Variants in CCDC30 observed in about 807,000 individuals in gnomAD.
The protein encoded by CCDC30 is coiled-coil domain-containing protein 30.
CCDC30 carries 70 observed loss-of-function variants against 100.2 expected under a neutral mutation model. The observed-to-expected ratio is 0.70, with a 90% CI of 0.58 to 0.85. The LOEUF (loss-of-function observed/expected upper bound fraction) is 0.85, where lower values mean the gene tolerates loss of function less well. Among genes scored for constraint, CCDC30 ranks in the 40% least tolerant of loss-of-function variants. The pLI is 0.00. For synonymous variants in CCDC30, 233 were observed against 269.5 expected, an observed-to-expected ratio of 0.86 and a Z score of 1.33; for missense variants, 652 against 771.2, an observed-to-expected ratio of 0.85 and a Z score of 1.83.
intron 6 of CCDC30, among the ~76,000 whole-genome samples, chr1:42,526,821 G>C (rs1474861759): frequency 6.6e-6 from 1 of 152,046 alleles, no homozygotes; most frequent in African/African-American, 2.4e-5. Flanking sequence ...ACATAAGATA[G>C]TTTGTCTTAT....
intron 3 of CCDC30, among the ~76,000 whole-genome samples, chr1:42,484,016 C>T (rs1007373829): frequency 4.0e-5 from 6 of 151,046 alleles, no homozygotes; most frequent in Admixed American, 1.3e-4. Context: ...ATTTTTAATC[C>T]GTGACTGATT....
chr1:42,509,156 C>T (rs940928364), intron 6 of CCDC30, among the ~76,000 whole-genome samples: 2 of 152,164 alleles, frequency 1.3e-5, no homozygotes, highest in Non-Finnish European at 2.9e-5. Context: ...AGAGTTTTGA[C>T]CCAACCAACT....
intron 15 of CCDC30, 77 bp downstream of exon 19, chr1:42,646,394 C>T: frequency 7.6e-7 from 1 of 1,322,720 alleles, no homozygotes; most frequent in East Asian, 2.9e-5. Context: ...GAAAATCTCT[C>T]AACTTATGGT....
intron 12 of CCDC30, among the ~76,000 whole-genome samples, chr1:42,640,750 T>C (rs538496554): frequency 6.6e-6 from 1 of 151,930 alleles, no homozygotes; most frequent in Non-Finnish European, 1.5e-5. Context: ...AAAAATTAGC[T>C]GGGTGCGGTG....
chr1:42,526,137 A>G (rs1039311696), intron 6 of CCDC30, among the ~76,000 whole-genome samples: 1 of 152,116 alleles, frequency 6.6e-6, no homozygotes, highest in African/African-American at 2.4e-5. Context: ...GATTTCCCTC[A>G]TATCACCACA....
At chr1:42,556,431 A>T (rs778004195) in intron 6 of CCDC30, 26 bp downstream of exon 10, 12 of 1,556,360 alleles carry the variant, frequency 7.7e-6, no homozygotes, top group Non-Finnish European at 2.6e-6. Flanking sequence ...ACATGCCCTG[A>T]CTGGGTTCGT....
chr1:42,636,324 T>C (rs958014987), intron 11 of CCDC30, among the ~76,000 whole-genome samples: 1 of 152,044 alleles, frequency 6.6e-6, no homozygotes, highest in African/African-American at 2.4e-5. Flanking sequence ...GAGGATTGCT[T>C]GAGCTCAGGA....
At chr1:42,586,134 G>A (rs573698064) in intron 9 of CCDC30, among the ~76,000 whole-genome samples, 42 of 152,314 alleles carry the variant, frequency 2.8e-4, no homozygotes, top group South Asian at 1.7e-3. Context: ...TTTAAGTTGA[G>A]AATGAAGTAG....
intron 10 of CCDC30, among the ~76,000 whole-genome samples, chr1:42,604,096 C>A (rs747198262): frequency 6.6e-5 from 10 of 151,694 alleles, no homozygotes; most frequent in Non-Finnish European, 1.3e-4. Context: ...TGCCTGTAGT[C>A]CTAGCTACTT....
chr1:42,646,436 TCAAA>T, intron 15 of CCDC30, 119 bp downstream of exon 19: 2 of 1,224,064 alleles, frequency 1.6e-6, no homozygotes. Context: ...ACGGAGGTAG[TCAAA>T]CAGATTCCCC....
intron 6 of CCDC30, among the ~76,000 whole-genome samples, chr1:42,515,937 T>C (rs993417149): frequency 6.6e-6 from 1 of 152,208 alleles, no homozygotes; most frequent in Non-Finnish European, 1.5e-5. Flanking sequence ...TATACCACAT[T>C]TTGCTGATCT....
At chr1:42,568,156 C>T (rs1645646702) in intron 7 of CCDC30, among the ~76,000 whole-genome samples, 1 of 152,074 alleles carries the variant, frequency 6.6e-6, no homozygotes, top group East Asian at 1.9e-4. Context: ...GCTCTGTCAC[C>T]CATGCTGAAG....
intron 8 of CCDC30, among the ~76,000 whole-genome samples, chr1:42,578,296 A>G (rs1388909194): frequency 6.6e-6 from 1 of 152,214 alleles, no homozygotes; most frequent in Non-Finnish European, 1.5e-5. Context: ...AATTCTATGT[A>G]TAGTATGAAG....
Position 42,519,801 on chromosome 1 carries a change from C to T in CCDC30, c.456+20885C>T, listed in dbSNP as rs1644608888. 2.0e-5 allele frequency among the ~76,000 whole-genome samples: 3 copies of T among 152,152 alleles called. No homozygotes were observed. The South Asian group carries it at 6.2e-4, about 32-fold the overall frequency. ...AACTCCTGACCTTGTGATTCGCCCA[C>T]CTCAGCCTCCCAAAGTGCTGTGATT... On this transcript the variant is annotated intron_variant, in intron 6 of 16. Transcript: ENST00000668663.
intron 6 of CCDC30, 118 bp from the exon 8 acceptor site, chr1:42,539,055 T>G (rs1644962724): frequency 1.4e-6 from 1 of 722,404 alleles, no homozygotes; most frequent in African/African-American, 1.8e-5. Flanking sequence ...TAGGTTGGAA[T>G]ATTTAAAACA....
intron 11 of CCDC30, among the ~76,000 whole-genome samples, chr1:42,618,426 G>A (rs1374145531): frequency 1.3e-5 from 2 of 152,008 alleles, no homozygotes; most frequent in Non-Finnish European, 2.9e-5. Flanking sequence ...AATAGAGACA[G>A]GGTTTCTCCA....
chr1:42,637,069 C>T (rs553742246), intron 11 of CCDC30, among the ~76,000 whole-genome samples, 168 bp from the exon 16 acceptor site: 4 of 149,370 alleles, frequency 2.7e-5, no homozygotes, highest in Non-Finnish European at 5.9e-5. Context: ...CCTTGGCCCA[C>T]TCCCTGAAAT....
upstream of CCDC30, among the ~76,000 whole-genome samples, chr1:42,461,058 G>A (rs1169014457): frequency 6.6e-6 from 1 of 152,258 alleles, no homozygotes; most frequent in African/African-American, 2.4e-5. Context: ...CTGTAGGATA[G>A]TCCAGGTGCA....
chr1:42,546,400 ATATATATATATATATATATAT>A (rs373988458), intron 6 of CCDC30, among the ~76,000 whole-genome samples: 1,307 of 97,548 alleles, frequency 0.013, 202 homozygotes, highest in African/African-American at 0.047. Flanking sequence ...AAAAAAAAAA[ATATATATATATATATATATAT>A]ATATATATAT....
Sources: allele counts gnomAD v4.1 joint callset (sites outside exome capture counted in the v4.1 genomes callset), GRCh38; gene constraint gnomAD v4.1.1; transcripts MANE v1.5; gene names NCBI Gene and HGNC (gene_info 2026-07-23, HGNC 2026-07-21).